The following SNX29 variants were observed in gnomAD, a reference collection of about 807,000 sequenced individuals.
The protein encoded by SNX29 is sorting nexin-29.
Under a neutral mutation model 102.1 loss-of-function variants are expected in SNX29, and 78 were observed. The ratio of observed to expected loss-of-function variants is 0.76; its 90% CI spans 0.64 to 0.92. SNX29 has a LOEUF of 0.92. Among genes scored for constraint, SNX29 ranks in the 40% least tolerant of loss-of-function variants. The pLI is 0.00. For missense variants in SNX29, 1,280 were observed against 1,061.7 expected, an observed-to-expected ratio of 1.21 and a Z score of -2.86; for synonymous variants, 580 against 414.5, an observed-to-expected ratio of 1.40 and a Z score of -4.85.
chr16:12,562,781 C>T (rs1040055458), intron 20 of SNX29, among the ~76,000 whole-genome samples: 2 of 152,144 alleles, frequency 1.3e-5, no homozygotes, highest in African/African-American at 2.4e-5. Context: ...AGTCCTTTAG[C>T]CATCACCATC....
chr16:12,265,411 C>T (rs1417965552), intron 14 of SNX29, among the ~76,000 whole-genome samples: 2 of 151,990 alleles, frequency 1.3e-5, no homozygotes, highest in South Asian at 2.1e-4. Context: ...CCCGTGGATG[C>T]GTTATATATT....
chr16:12,354,265 A>G (rs1192961462), intron 15 of SNX29, among the ~76,000 whole-genome samples: 2 of 152,254 alleles, frequency 1.3e-5, no homozygotes, highest in African/African-American at 4.8e-5. Flanking sequence ...CTTAGTAACA[A>G]TGAACATCAT....
chr16:12,501,587 T>TG (rs2089125117), intron 19 of SNX29, among the ~76,000 whole-genome samples: 1 of 151,658 alleles, frequency 6.6e-6, no homozygotes, highest in Non-Finnish European at 1.5e-5. Flanking sequence ...CTGAGCATGG[T>TG]GATGCATGCC....
chr16:12,183,160 G>A (rs891943724), intron 13 of SNX29, among the ~76,000 whole-genome samples: 1 of 151,932 alleles, frequency 6.6e-6, no homozygotes, highest in Non-Finnish European at 1.5e-5. Flanking sequence ...CCACCACACT[G>A]GGCTAATTTT....
chr16:12,118,137 C>T (rs868435146), intron 11 of SNX29, among the ~76,000 whole-genome samples: 1 of 151,884 alleles, frequency 6.6e-6, no homozygotes, highest in Non-Finnish European at 1.5e-5. Context: ...GCTGTGCCAC[C>T]GCTCCCCACC....
intron 19 of SNX29, among the ~76,000 whole-genome samples, chr16:12,523,289 C>T (rs2090168333): frequency 6.6e-6 from 1 of 152,252 alleles, no homozygotes; most frequent in Admixed American, 6.5e-5. Context: ...AGGCCCACTG[C>T]AGACAGCAGT....
intron 12 of SNX29, 116 bp downstream of exon 12, chr16:12,126,812 C>A: frequency 9.2e-7 from 1 of 1,084,986 alleles, no homozygotes; most frequent in Non-Finnish European, 1.4e-6. Context: ...TTGTGACTGG[C>A]TATTTCTTAT....
chr16:12,050,109 G>C (rs2050243035), intron 7 of SNX29, among the ~76,000 whole-genome samples: 1 of 152,188 alleles, frequency 6.6e-6, no homozygotes, highest in South Asian at 2.1e-4. Context: ...GTAGAAGATA[G>C]GGCTGTTGAC....
intron 20 of SNX29, among the ~76,000 whole-genome samples, chr16:12,565,825 A>C (rs995364832): frequency 4.0e-5 from 6 of 151,490 alleles, no homozygotes; most frequent in Non-Finnish European, 8.8e-5. Context: ...ACTTCTGGTC[A>C]CCCTCCACAC....
At chr16:12,298,328 T>G (rs1217229652) in intron 15 of SNX29, among the ~76,000 whole-genome samples, 2 of 152,188 alleles carry the variant, frequency 1.3e-5, no homozygotes, top group Non-Finnish European at 2.9e-5. Context: ...ACAGATAATT[T>G]CCTTAGACTC....
Position 12,046,021 on chromosome 16 carries a change from G to A in SNX29, c.429-363G>A, listed in dbSNP as rs1289067570. Among the ~76,000 whole-genome samples the A allele has an allele frequency of 2.6e-5, 4 of 152,294 alleles. No homozygotes were observed. In the South Asian group the frequency reaches 6.2e-4, roughly 24 times the overall value. On this transcript the variant is annotated intron_variant, in intron 5 of 20. Coordinates refer to ENST00000566228, the MANE Select transcript of SNX29 (RefSeq NM_032167.5). ...TCTTCTTGTATTAGGCAAATCAGGC[G>A]AGCCCTGTTGGCAGGCTTGGATTTC...
At position 12,569,084 on chromosome 16, in the gene SNX29, G is replaced by A. The variant is rs2079128558; in HGVS notation, c.*455G>A. On this transcript the variant is annotated 3_prime_UTR_variant, in exon 21 of 21. Transcript: ENST00000566228. Reference sequence around the variant, plus strand: ...ATTAGCCTCTCCTTTTGCTTTTTAAGGTTATTACCTGGCCTAACCTAGGGA... The same window carrying A: ...ATTAGCCTCTCCTTTTGCTTTTTAAAGTTATTACCTGGCCTAACCTAGGGA... The A allele has an allele frequency of 1.2e-5, 2 of 165,750 alleles. No individual in the cohort carries two copies. The highest frequency in any genetic ancestry group is 2.3e-4 in the South Asian group (1 of 4,336). 10.3% of individuals were successfully genotyped at this position (165,750 alleles called of 1,614,324 possible).
intron 15 of SNX29, among the ~76,000 whole-genome samples, chr16:12,310,052 A>G (rs1168858613): frequency 1.3e-5 from 2 of 151,864 alleles, no homozygotes; most frequent in African/African-American, 4.9e-5. Context: ...ACATATGTAC[A>G]CACACGCATG....
chr16:12,420,529 C>T (rs1049941998), intron 18 of SNX29, among the ~76,000 whole-genome samples: 1 of 152,148 alleles, frequency 6.6e-6, no homozygotes, highest in Non-Finnish European at 1.5e-5. Context: ...GACATGGATT[C>T]TCAAGATGGA....
chr16:12,511,559 C>T (rs1277943048), intron 19 of SNX29, among the ~76,000 whole-genome samples: 2 of 152,120 alleles, frequency 1.3e-5, no homozygotes, highest in Non-Finnish European at 1.5e-5. Context: ...TTGTTCCTTT[C>T]CTGAAATAGA....
intron 9 of SNX29, among the ~76,000 whole-genome samples, chr16:12,062,960 T>C (rs1440852157): frequency 1.3e-5 from 2 of 152,320 alleles, no homozygotes; most frequent in South Asian, 2.1e-4. Context: ...TAAATGAGGC[T>C]GAGTGCTTCC....
intron 15 of SNX29, among the ~76,000 whole-genome samples, chr16:12,278,654 G>C (rs2079333137): frequency 2.0e-5 from 1 of 49,746 alleles, no homozygotes; most frequent in South Asian, 3.9e-4. Flanking sequence ...CTCTATCTTG[G>C]TTCAGGTATG....
intron 11 of SNX29, among the ~76,000 whole-genome samples, chr16:12,091,854 C>G (rs1356849940): frequency 6.6e-6 from 1 of 151,874 alleles, no homozygotes; most frequent in African/African-American, 2.4e-5. Context: ...CAAGAAGGCG[C>G]CATCAGTGAA....
chr16:12,191,450 G>C (rs929798314), intron 13 of SNX29, among the ~76,000 whole-genome samples: 1 of 152,112 alleles, frequency 6.6e-6, no homozygotes. Flanking sequence ...GCCTGCAGCC[G>C]TCTAAAAAGC....
Sources: allele counts gnomAD v4.1 joint callset (sites outside exome capture counted in the v4.1 genomes callset), GRCh38; gene constraint gnomAD v4.1.1; transcripts MANE v1.5; gene names NCBI Gene and HGNC (gene_info 2026-07-23, HGNC 2026-07-21).